Variants in GAS7 observed in about 807,000 individuals in gnomAD.
GAS7 encodes the protein growth arrest-specific protein 7.
GAS7 carries 28 observed loss-of-function variants against 71.1 expected under a neutral mutation model. The observed-to-expected ratio is 0.39, with a 90% confidence interval of 0.29 to 0.54. The LOEUF is 0.54. GAS7 is among the 20% of genes least tolerant of loss of function. GAS7 has a pLI of 0.62. For missense variants in GAS7, 436 were observed against 627.8 expected, an observed-to-expected ratio of 0.69 and a Z score of 3.27; for synonymous variants, 258 against 245.8, an observed-to-expected ratio of 1.05 and a Z score of -0.46.
chr17:10,046,964 C>T (rs996338922), intron 1 of GAS7, among the ~76,000 whole-genome samples: 1 of 152,044 alleles, frequency 6.6e-6, no homozygotes, highest in African/African-American at 2.4e-5. Context: ...CCACTCTCTG[C>T]CCATAATCTG....
chr17:9,957,375 G>A (rs929181187), intron 5 of GAS7, among the ~76,000 whole-genome samples: 5 of 152,170 alleles, frequency 3.3e-5, no homozygotes, highest in African/African-American at 1.2e-4. Context: ...CCCATCAGGG[G>A]CCCAACAAGG....
At chr17:9,961,372 A>G (rs1321863119) in intron 4 of GAS7, among the ~76,000 whole-genome samples, 2 of 152,214 alleles carry the variant, frequency 1.3e-5, no homozygotes, top group Non-Finnish European at 2.9e-5. Context: ...CTCTCTCTCC[A>G]TAGGTTCATT....
At chr17:10,013,061 C>G (rs955810206) in intron 2 of GAS7, among the ~76,000 whole-genome samples, 4 of 150,678 alleles carry the variant, frequency 2.7e-5, no homozygotes, top group Non-Finnish European at 4.4e-5. Flanking sequence ...CGAGATCGTG[C>G]CACTGCACTC....
chr17:10,036,620 C>T (rs1273120505), intron 1 of GAS7: 2 of 1,447,676 alleles, frequency 1.4e-6, no homozygotes, highest in Non-Finnish European at 1.8e-6. Flanking sequence ...AGCGGAGGTT[C>T]CTGTGGCTTT....
In GAS7 at chr17:10,118,917, G is replaced by A. The variant is rs947447623; in HGVS notation, c.183+79291C>T. Among the ~76,000 whole-genome samples, 4 of 152,108 alleles carry A rather than the reference G, an allele frequency of 2.6e-5. No homozygotes were observed. The East Asian group carries it at 7.7e-4, about 29-fold the overall frequency. ...CACATGCCACATGGTGACATGCACTGTAAGAGGATTCTTACATCTGTCCCC... is the reference window on the plus strand; with the variant it reads ...CACATGCCACATGGTGACATGCACTATAAGAGGATTCTTACATCTGTCCCC... On this transcript the variant is annotated intron_variant, in intron 1 of 13. Coordinates refer to ENST00000432992, the MANE Select transcript of GAS7 (RefSeq NM_201433.2).
Position 10,094,225 on chromosome 17 carries a change from G to A in GAS7, c.184-74328C>T, listed in dbSNP as rs140534459. Among the ~76,000 whole-genome samples, 3 of 152,344 alleles carry A rather than the reference G, an allele frequency of 2.0e-5. No homozygotes were observed. The East Asian group carries it at 5.8e-4, about 29-fold the overall frequency. Reference sequence around the variant, plus strand: ...AGCCCTGGCAGTTAGCTGAGCAGCTGTGCCCTGTGTGGTACCCACTTACTT... The same window carrying A: ...AGCCCTGGCAGTTAGCTGAGCAGCTATGCCCTGTGTGGTACCCACTTACTT... On this transcript the variant is annotated intron_variant, in intron 1 of 13. Coordinates refer to ENST00000432992, the MANE Select transcript of GAS7 (RefSeq NM_201433.2).
intron 1 of GAS7, among the ~76,000 whole-genome samples, chr17:10,109,711 G>T (rs2073792210): frequency 6.6e-6 from 1 of 152,196 alleles, no homozygotes. Context: ...CTGAGATCAG[G>T]AGTTCAAGAC....
chr17:10,095,794 T>A (rs2152258501), intron 1 of GAS7, among the ~76,000 whole-genome samples: 1 of 136,690 alleles, frequency 7.3e-6, no homozygotes, highest in African/African-American at 2.8e-5. Flanking sequence ...AGAGCGAGAC[T>A]CCATCTCAAA....
chr17:10,124,423 G>A (rs1469993779), intron 1 of GAS7, among the ~76,000 whole-genome samples: 1 of 152,200 alleles, frequency 6.6e-6, no homozygotes, highest in Non-Finnish European at 1.5e-5. Context: ...AAGGAACCCA[G>A]ACATCCTAGG....
intron 1 of GAS7, among the ~76,000 whole-genome samples, chr17:10,085,367 C>A (rs1031212755): frequency 2.6e-5 from 4 of 152,124 alleles, no homozygotes; most frequent in African/African-American, 4.8e-5. Flanking sequence ...ATCCCCTAGG[C>A]CTGCTGGGAG....
intron 2 of GAS7, among the ~76,000 whole-genome samples, chr17:9,989,082 C>T (rs2070747887): frequency 6.6e-6 from 1 of 152,024 alleles, no homozygotes; most frequent in Non-Finnish European, 1.5e-5. Flanking sequence ...ATCTCCTGAC[C>T]TCATGATCCG....
intron 2 of GAS7, among the ~76,000 whole-genome samples, chr17:10,007,625 CA>C (rs201254619): frequency 0.041 from 1,894 of 46,574 alleles, 9 homozygotes; most frequent in Non-Finnish European, 0.061. Context: ...GATTCTGTCT[CA>C]AAAAAAAAAA....
chr17:9,993,630 T>C (rs1034800817), intron 2 of GAS7, among the ~76,000 whole-genome samples: 59 of 151,612 alleles, frequency 3.9e-4, no homozygotes, highest in Non-Finnish European at 7.4e-5. Context: ...AAGACAGGGA[T>C]GCCCTCTCTC....
chr17:10,183,599 G>A (rs529296153), intron 1 of GAS7, among the ~76,000 whole-genome samples: 2 of 152,320 alleles, frequency 1.3e-5, no homozygotes, highest in African/African-American at 4.8e-5. Flanking sequence ...CAGCACTTTG[G>A]GAGGCCGACA....
At chr17:10,011,375 G>C (rs1265242552) in intron 2 of GAS7, among the ~76,000 whole-genome samples, 1 of 152,144 alleles carries the variant, frequency 6.6e-6, no homozygotes, top group Non-Finnish European at 1.5e-5. Flanking sequence ...AAGGGGAGGG[G>C]CTTGGCCAGT....
At chr17:10,015,642 A>C (rs76606703) in intron 2 of GAS7, among the ~76,000 whole-genome samples, 1 of 152,332 alleles carries the variant, frequency 6.6e-6, no homozygotes, top group African/African-American at 2.4e-5. Flanking sequence ...AAACAAAACA[A>C]GTCTAAGAAA....
In GAS7 at chr17:9,910,660, G is replaced by A. The variant is rs948860112; in HGVS notation, c.*6568C>T. 8 of 198,824 alleles carry A rather than the reference G, an allele frequency of 4.0e-5. No individual in the cohort carries two copies. Among genetic ancestry groups the A allele is most frequent in the African/African-American group, 9.3e-5 (4 of 43,116 alleles). The allele number at this position is 198,824 out of a possible 1,614,324, so 12.3% of individuals were successfully genotyped here. On this transcript the variant is annotated 3_prime_UTR_variant, in exon 14 of 14. Coordinates refer to ENST00000432992, the MANE Select transcript of GAS7 (RefSeq NM_201433.2). ...TGCAGGACAACTGTATATAGCAAAC[G>A]CCTTCAAAATTTAAACTCTTTAAAC...
intron 1 of GAS7, among the ~76,000 whole-genome samples, chr17:10,113,178 G>GA (rs1411448019): frequency 1.3e-5 from 2 of 152,136 alleles, no homozygotes; most frequent in Non-Finnish European, 2.9e-5. Flanking sequence ...AAAAAAATCT[G>GA]AAAGTGCACG....
intron 3 of GAS7, among the ~76,000 whole-genome samples, chr17:9,971,254 T>TA (rs1213692234): frequency 6.6e-6 from 1 of 151,478 alleles, no homozygotes; most frequent in Non-Finnish European, 1.5e-5. Flanking sequence ...AGAAAAAATT[T>TA]AAAAAAAATT....
Sources: allele counts gnomAD v4.1 joint callset (sites outside exome capture counted in the v4.1 genomes callset), GRCh38; gene constraint gnomAD v4.1.1; transcripts MANE v1.5; gene names NCBI Gene and HGNC (gene_info 2026-07-23, HGNC 2026-07-21).